YTHDF2: variants seen among roughly 807,000 people sequenced by gnomAD.
YTHDF2 encodes YTH N6-methyladenosine RNA binding protein F2.
In YTHDF2, 2 loss-of-function variants were observed where a neutral mutation model predicts 50.4. The ratio of observed to expected loss-of-function variants is 0.04; its 90% confidence interval spans 0.02 to 0.12. YTHDF2 has a LOEUF of 0.12. Ranked by LOEUF, YTHDF2 falls within the 10% of genes least tolerant of loss-of-function variation. The pLI, the probability that YTHDF2 is intolerant of heterozygous loss-of-function variation, is 1.00. For missense variants in YTHDF2, 483 were observed against 722.6 expected, an observed-to-expected ratio of 0.67 and a Z score of 3.80; for synonymous variants, 217 against 255.6, an observed-to-expected ratio of 0.85 and a Z score of 1.44.
chr1:28,737,974 C>T (rs920406986), intron 2 of YTHDF2: 3 of 578,150 alleles, frequency 5.2e-6, no homozygotes, highest in East Asian at 5.8e-5. Context: ...TCGTGGATCA[C>T]TCTCTGGAAG....
intron 2 of YTHDF2, chr1:28,737,949 C>G (rs999388207): frequency 1.7e-6 from 1 of 576,132 alleles, no homozygotes; most frequent in Non-Finnish European, 3.1e-6. Flanking sequence ...CTTAGAAGGC[C>G]TTTGTTTTTC....
intron 4 of YTHDF2, among the ~76,000 whole-genome samples, chr1:28,760,157 G>A (rs886983274): frequency 1.3e-5 from 2 of 152,066 alleles, no homozygotes; most frequent in Admixed American, 1.3e-4. Flanking sequence ...AATACCTCCT[G>A]AAGGACCTAT....
chr1:28,749,986 G>GGTTTTT (rs762743600), intron 4 of YTHDF2, among the ~76,000 whole-genome samples: 3 of 78,332 alleles, frequency 3.8e-5, no homozygotes, highest in East Asian at 4.0e-4. Context: ...AAAAAAGGTT[G>GGTTTTT]TTTTTTTTTT....
chr1:28,761,697 A>T (rs748934669), intron 4 of YTHDF2, among the ~76,000 whole-genome samples: 3 of 152,024 alleles, frequency 2.0e-5, no homozygotes, highest in Non-Finnish European at 2.9e-5. Flanking sequence ...AGATTGCGCC[A>T]TTGCATTCCA....
intron 3 of YTHDF2, among the ~76,000 whole-genome samples, chr1:28,738,733 C>G (rs897235004): frequency 6.6e-6 from 1 of 152,232 alleles, no homozygotes; most frequent in African/African-American, 2.4e-5. Flanking sequence ...GCCACCACGC[C>G]TAGCCGAGGA....
chr1:28,760,558 G>T (rs2124200830), intron 4 of YTHDF2, among the ~76,000 whole-genome samples: 1 of 152,086 alleles, frequency 6.6e-6, no homozygotes, highest in East Asian at 1.9e-4. Context: ...GCCTCCCATG[G>T]ATTACAGTCG....
chr1:28,755,665 A>G (rs2088026174), intron 4 of YTHDF2, among the ~76,000 whole-genome samples: 1 of 152,178 alleles, frequency 6.6e-6, no homozygotes, highest in South Asian at 2.1e-4. Flanking sequence ...AGTGAAAGAG[A>G]TTGAGAGAGA....
In YTHDF2 at chr1:28,738,239, T is replaced by C. The variant is rs1211670215; in HGVS notation, c.53-20T>C. The C allele has an allele frequency of 1.9e-6, 3 of 1,599,920 alleles. No individual in the cohort carries two copies. The highest frequency in any genetic ancestry group is 2.6e-6 in the Non-Finnish European group (3 of 1,167,252). On this transcript the variant is annotated intron_variant, in intron 2 of 4. Coordinates refer to ENST00000373812, the MANE Select transcript of YTHDF2 (RefSeq NM_016258.3). ...GATTGTAGGATTGGGACACTCCTAATTGAATTTTTTTTTCTTTAGTACAAA... is the reference window on the plus strand; with the variant it reads ...GATTGTAGGATTGGGACACTCCTAACTGAATTTTTTTTTCTTTAGTACAAA...
At position 28,742,728 on chromosome 1, in the gene YTHDF2, A is replaced by G. The variant is rs1284083743; in HGVS notation, c.458A>G (p.Tyr153Cys). ...STQSSGYSSN[Y>C]AYAPSSLGGA... ...CAGAGCTCTGGATATAGTAGCAATTATGCTTATGCACCTAGCTCCTTAGGT... is the reference window on the plus strand; with the variant it reads ...CAGAGCTCTGGATATAGTAGCAATTGTGCTTATGCACCTAGCTCCTTAGGT... The change falls in exon 4 of 5, where the codon TAT (tyrosine) becomes TGT (cysteine). Residue 153 changes from tyrosine (Y) to cysteine (C), a missense_variant. Tyr to Cys is a radical substitution (Grantham distance 194). Coordinates refer to ENST00000373812, the MANE Select transcript of YTHDF2 (RefSeq NM_016258.3). The G allele has an allele frequency of 3.1e-6, 5 of 1,614,200 alleles. No individual in the cohort carries two copies. The highest frequency in any genetic ancestry group is 4.2e-6 in the Non-Finnish European group (5 of 1,180,044).
Position 28,768,979 on chromosome 1 carries a change from A to G in YTHDF2, c.*27A>G, listed in dbSNP as rs759075548. On this transcript the variant is annotated 3_prime_UTR_variant, in exon 5 of 5. Transcript: ENST00000373812. The stretch of plus-strand genomic sequence containing the variant: ...AGGCAGTTCTACACAGACTGCAGCA[A>G]CGGTTGCATCTGCATATCCTAAGAG... The G allele has an allele frequency of 3.8e-6, 6 of 1,568,442 alleles. No homozygotes were observed. The African/African-American group carries it at 4.1e-5, about 11-fold the overall frequency.
chr1:28,745,914 C>G (rs2087853643), intron 4 of YTHDF2, among the ~76,000 whole-genome samples: 1 of 151,996 alleles, frequency 6.6e-6, no homozygotes, highest in African/African-American at 2.4e-5. Context: ...TGGCACACAC[C>G]TGTTGTCCTA....
chr1:28,768,120 C>T (rs2088246987), intron 4 of YTHDF2, among the ~76,000 whole-genome samples: 3 of 151,800 alleles, frequency 2.0e-5, no homozygotes, highest in Non-Finnish European at 4.4e-5. Flanking sequence ...ATGGCTTGAA[C>T]CCGGGAGGCC....
Position 28,744,614 on chromosome 1 carries a change from T to C in YTHDF2, c.1716+628T>C, listed in dbSNP as rs550299315. ...GTGAGTATTGAGTGAATGTAAACTT[T>C]AGGATTATAAGAGGATGATAAAACT... On this transcript the variant is annotated intron_variant, in intron 4 of 4. Transcript: ENST00000373812. 5.3e-5 allele frequency among the ~76,000 whole-genome samples: 8 copies of C among 152,328 alleles called. No individual in the cohort carries two copies. The South Asian group carries it at 6.2e-4, about 12-fold the overall frequency.
Position 28,754,963 on chromosome 1 carries a change from CAAAA to C in YTHDF2, c.1716+10995_1716+10998del, listed in dbSNP as rs58411768. 4.3e-4 allele frequency among the ~76,000 whole-genome samples: 35 copies of C among 81,456 alleles called. 1 individual carries two copies. Among genetic ancestry groups the C allele is most frequent in the African/African-American group, 9.1e-4 (20 of 22,012 alleles). The allele number at this position is 81,456 out of a possible 152,430, so 53.4% of individuals were successfully genotyped here. A position where few individuals can be genotyped will look rare whatever the true frequency, so the allele number is the denominator to read the frequency against. ...CTGCATTCCAGCCTGGGTGACAGCT[CAAAA>C]AAAAAAAAAAAAAAAAAGGGGTGGG... On this transcript the variant is annotated intron_variant, in intron 4 of 4. Coordinates refer to ENST00000373812, the MANE Select transcript of YTHDF2 (RefSeq NM_016258.3).
intron 4 of YTHDF2, among the ~76,000 whole-genome samples, chr1:28,745,424 A>G (rs992794483): frequency 1.3e-5 from 2 of 152,220 alleles, no homozygotes; most frequent in Non-Finnish European, 2.9e-5. Flanking sequence ...CCACAGTTTA[A>G]TAGTTTAACT....
chr1:28,764,443 T>G (rs2088187118), intron 4 of YTHDF2, among the ~76,000 whole-genome samples: 1 of 151,492 alleles, frequency 6.6e-6, no homozygotes, highest in Non-Finnish European at 1.5e-5. Context: ...GCTAATTTTT[T>G]TTTTGTTTTT....
At chr1:28,741,378 A>T (rs1201727042) in intron 3 of YTHDF2, among the ~76,000 whole-genome samples, 1 of 151,692 alleles carries the variant, frequency 6.6e-6, no homozygotes, top group Non-Finnish European at 1.5e-5. Flanking sequence ...GCTCACTGCA[A>T]CCTCGGCCTC....
rs2087788007 is a variant in YTHDF2, at chr1:28,742,270, C to T, written c.133-133C>T. The T allele has an allele frequency of 1.8e-5, 21 of 1,169,572 alleles. No homozygotes were observed. In the South Asian group the frequency reaches 2.8e-4, roughly 15 times the overall value. The allele number at this position is 1,169,572 out of a possible 1,614,324, so 72.4% of individuals were successfully genotyped here. A position where few individuals can be genotyped will look rare whatever the true frequency, so the allele number is the denominator to read the frequency against. ...TCCACCTCCCAAAGTGTAGGGATTA[C>T]AGGTGTGAGCCACCGCGTCCGGCCT... On this transcript the variant is annotated intron_variant, in intron 3 of 4. Coordinates refer to ENST00000373812, the MANE Select transcript of YTHDF2 (RefSeq NM_016258.3).
chr1:28,751,327 A>G (rs2087949282), intron 4 of YTHDF2, among the ~76,000 whole-genome samples: 1 of 152,176 alleles, frequency 6.6e-6, no homozygotes, highest in African/African-American at 2.4e-5. Context: ...TTAAATCCTT[A>G]GGAAGTAAAT....
Sources: allele counts gnomAD v4.1 joint callset (sites outside exome capture counted in the v4.1 genomes callset), GRCh38; gene constraint gnomAD v4.1.1; transcripts MANE v1.5; gene names NCBI Gene and HGNC (gene_info 2026-07-23, HGNC 2026-07-21).